Variants in DAB1 observed in about 807,000 individuals in gnomAD.
The protein encoded by DAB1 is disabled homolog 1.
DAB1 carries 15 observed loss-of-function variants against 64.6 expected under a neutral mutation model. The observed-to-expected ratio is 0.23, with a 90% CI of 0.16 to 0.36. The LOEUF (loss-of-function observed/expected upper bound fraction) is 0.36. DAB1 is among the 10% of genes least tolerant of loss of function. The probability of loss-of-function intolerance (pLI) is 1.00; values close to 1 mark genes in which losing one functional copy is unlikely to be tolerated. For synonymous variants in DAB1, 235 were observed against 251.9 expected (o/e 0.93, Z 0.64); for missense variants, 596 against 706.7 (o/e 0.84, Z 1.78).
chr1:58,421,773 A>C (rs1435705213), intron 3 of DAB1, among the ~76,000 whole-genome samples: 1 of 152,178 alleles, frequency 6.6e-6, no homozygotes, highest in Admixed American at 6.5e-5. Context: ...AGCATGCTTA[A>C]CTTGCAGAAG....
At chr1:57,266,408 C>A (rs868455623) in intron 2 of DAB1, among the ~76,000 whole-genome samples, 1 of 152,210 alleles carries the variant, frequency 6.6e-6, no homozygotes, top group Non-Finnish European at 1.5e-5. Context: ...CATCTCAATA[C>A]ATGGAGTGTC....
At chr1:57,483,382 T>G (rs566250213) in intron 7 of DAB1, among the ~76,000 whole-genome samples, 46 of 152,108 alleles carry the variant, frequency 3.0e-4, no homozygotes, top group Non-Finnish European at 5.3e-4. Context: ...AGCTGACGGT[T>G]TTATAAGGGG....
chr1:58,126,587 CT>C lies in DAB1; in HGVS notation n.387+23923del, dbSNP rs955331998. ...CGTCATCTAGCATTAGGTATATCTC[CT>C]GATGCTATCCCTCCCCCCCTACCCC... On this transcript the variant is annotated intron_variant and non_coding_transcript_variant, in intron 5 of 20. Transcript: ENST00000485760. Among the ~76,000 whole-genome samples, 18 of 151,756 alleles carry C rather than the reference CT, an allele frequency of 1.2e-4. No individual in the cohort carries two copies. The East Asian group carries it at 3.5e-3, about 30-fold the overall frequency.
chr1:57,567,551 C>T (rs1462374249), intron 7 of DAB1, among the ~76,000 whole-genome samples: 1 of 152,200 alleles, frequency 6.6e-6, no homozygotes. Flanking sequence ...CCCAAATCTC[C>T]TTAAGCTGAT....
chr1:57,791,024 T>C (rs547981643), intron 6 of DAB1, among the ~76,000 whole-genome samples: 2 of 152,374 alleles, frequency 1.3e-5, no homozygotes, highest in South Asian at 4.1e-4. Flanking sequence ...AGTCCTAATC[T>C]GCATTCATTT....
chr1:57,339,924 A>G (rs1677432483), intron 1 of DAB1, among the ~76,000 whole-genome samples: 1 of 152,206 alleles, frequency 6.6e-6, no homozygotes, highest in Admixed American at 6.5e-5. Flanking sequence ...AGTCATCGCC[A>G]GGGAGGTAGA....
intron 7 of DAB1, among the ~76,000 whole-genome samples, chr1:57,531,119 C>T (rs1235659828): frequency 6.6e-6 from 1 of 152,152 alleles, no homozygotes. Flanking sequence ...ATCCAGATGG[C>T]CTGAAGCAAG....
chr1:57,306,145 T>C (rs1674140981), intron 1 of DAB1, among the ~76,000 whole-genome samples: 1 of 152,134 alleles, frequency 6.6e-6, no homozygotes, highest in African/African-American at 2.4e-5. Flanking sequence ...GGCACAGAAG[T>C]GATAAAGTAT....
intron 2 of DAB1, among the ~76,000 whole-genome samples, chr1:57,148,977 C>A (rs942897489): frequency 6.6e-6 from 1 of 152,188 alleles, no homozygotes; most frequent in Non-Finnish European, 1.5e-5. Context: ...CACAAAGAAG[C>A]CCTGTACCCA....
At chr1:57,822,934 GA>G (rs1181059442), downstream of DAB1, among the ~76,000 whole-genome samples, 1 of 150,752 alleles carries the variant, frequency 6.6e-6, no homozygotes, top group Non-Finnish European at 1.5e-5. Context: ...CAATAGAAAA[GA>G]AAGAACTCTT....
intron 4 of DAB1, among the ~76,000 whole-genome samples, chr1:57,113,120 A>G (rs1032310604): frequency 1.2e-4 from 18 of 152,158 alleles, no homozygotes; most frequent in Non-Finnish European, 2.2e-4. Flanking sequence ...AGGCTCTGAG[A>G]ATGGCCTGTT....
intron 2 of DAB1, among the ~76,000 whole-genome samples, chr1:57,243,649 G>A (rs1040243603): frequency 1.3e-5 from 2 of 152,312 alleles, no homozygotes; most frequent in Middle Eastern, 3.4e-3. Context: ...GCTAGGCCAG[G>A]AAGGTTTCAA....
rs562393572 is a variant in DAB1 at position 57,651,460 on chromosome 1, G to C, written n.552-1795C>G. On this transcript the variant is annotated intron_variant and non_coding_transcript_variant, in intron 6 of 20. Coordinates refer to the DAB1 transcript ENST00000485760. ...TAGTGCTTTTTAGAAATTCAATTTAGTCTACTCATAAAACTAGTGATATAT... is the reference window on the plus strand; with the variant it reads ...TAGTGCTTTTTAGAAATTCAATTTACTCTACTCATAAAACTAGTGATATAT... Among the ~76,000 whole-genome samples the C allele has an allele frequency of 1.1e-3, 166 of 152,214 alleles. 1 individual carries two copies. Among genetic ancestry groups the C allele is most frequent in the African/African-American group, 3.8e-3 (157 of 41,552 alleles).
At chr1:57,695,130 G>A (rs112366059) in intron 6 of DAB1, among the ~76,000 whole-genome samples, 23 of 151,628 alleles carry the variant, frequency 1.5e-4, no homozygotes, top group African/African-American at 4.1e-4. Flanking sequence ...ATGCTGAGAC[G>A]GGAGGATGGC....
intron 4 of DAB1, among the ~76,000 whole-genome samples, chr1:58,269,002 T>G (rs946430318): frequency 8.0e-5 from 2 of 24,974 alleles, no homozygotes; most frequent in East Asian, 1.7e-3. Flanking sequence ...TCCTCTTGTT[T>G]TATTTTTTTA....
rs192284338 is a variant in DAB1, at chr1:57,876,392, A to C, written n.87+7607T>G. On this transcript the variant is annotated intron_variant and non_coding_transcript_variant, in intron 1 of 1. Transcript: ENST00000477280. The stretch of plus-strand genomic sequence containing the variant: ...TGGAAGAAACACGATGATATGAAAA[A>C]GCCAGATGTATCAGGTGTGACAATC... The C allele has an allele frequency of 5.2e-5, 8 of 152,446 alleles. No individual in the cohort carries two copies. The East Asian group carries it at 1.5e-3, about 29-fold the overall frequency. 9.4% of individuals were successfully genotyped at this position (152,446 alleles called of 1,614,324 possible). A position where few individuals can be genotyped will look rare whatever the true frequency, so the allele number is the denominator to read the frequency against.
intron 7 of DAB1, among the ~76,000 whole-genome samples, chr1:57,515,695 T>G (rs1644456206): frequency 6.6e-6 from 1 of 152,228 alleles, no homozygotes; most frequent in Non-Finnish European, 1.5e-5. Context: ...CAGTTACCAT[T>G]CATTGCTCCT....
At chr1:57,449,326 T>A (rs1234339182) in intron 7 of DAB1, among the ~76,000 whole-genome samples, 3 of 151,778 alleles carry the variant, frequency 2.0e-5, no homozygotes, top group Admixed American at 2.0e-4. Context: ...AAGAACCATA[T>A]TGTCACCACA....
chr1:58,133,145 AC>A (rs752216754), intron 5 of DAB1, among the ~76,000 whole-genome samples: 56 of 152,234 alleles, frequency 3.7e-4, no homozygotes, highest in Non-Finnish European at 1.2e-4. Flanking sequence ...AGTTTGGCAC[AC>A]AAGGGCTTTC....
Sources: allele counts gnomAD v4.1 joint callset (sites outside exome capture counted in the v4.1 genomes callset), GRCh38; gene constraint gnomAD v4.1.1; transcripts MANE v1.5; gene names NCBI Gene and HGNC (gene_info 2026-07-23, HGNC 2026-07-21).